The following ERC2 variants were observed in gnomAD, a reference collection of about 807,000 sequenced individuals.
The protein encoded by ERC2 is ERC protein 2.
In ERC2, 42 loss-of-function variants were observed where a neutral mutation model predicts 114.8. The ratio of observed to expected loss-of-function variants is 0.37; its 90% CI spans 0.29 to 0.47. The LOEUF is 0.47. Ranked by LOEUF, ERC2 falls within the 20% of genes least tolerant of loss-of-function variation. ERC2 has a pLI of 0.99. For synonymous variants in ERC2, 454 were observed against 425.5 expected (o/e 1.07, Z -0.82); for missense variants, 939 against 1,150.7 (o/e 0.82, Z 2.66).
At chr3:55,899,788 G>A (rs754796657) in intron 13 of ERC2, among the ~76,000 whole-genome samples, 9 of 152,056 alleles carry the variant, frequency 5.9e-5, no homozygotes, top group Non-Finnish European at 1.2e-4. Flanking sequence ...TTTGTTTCTA[G>A]GTTTAGGGAT....
At chr3:56,436,898 C>T (rs1481167158) in intron 1 of ERC2, among the ~76,000 whole-genome samples, 2 of 152,212 alleles carry the variant, frequency 1.3e-5, no homozygotes, top group Non-Finnish European at 2.9e-5. Flanking sequence ...AACCAGGTGA[C>T]ATCACTTCAT....
intron 2 of ERC2, among the ~76,000 whole-genome samples, chr3:56,390,554 C>T (rs1056893862): frequency 3.3e-5 from 5 of 152,068 alleles, no homozygotes; most frequent in South Asian, 2.1e-4. Flanking sequence ...GGAAGTCTCA[C>T]GATTAGTGAT....
At chr3:56,260,486 G>A (rs551395757) in intron 3 of ERC2, among the ~76,000 whole-genome samples, 3 of 152,158 alleles carry the variant, frequency 2.0e-5, no homozygotes, top group African/African-American at 7.2e-5. Context: ...GGCTCCCAGG[G>A]GCTTGGCTGC....
At chr3:55,561,819 C>T (rs2056043436) in intron 17 of ERC2, among the ~76,000 whole-genome samples, 1 of 152,132 alleles carries the variant, frequency 6.6e-6, no homozygotes, top group African/African-American at 2.4e-5. Context: ...ATGCAGCATC[C>T]CCTTGGCCAT....
intron 12 of ERC2, among the ~76,000 whole-genome samples, chr3:55,983,035 C>G (rs934553528): frequency 6.6e-6 from 1 of 152,234 alleles, no homozygotes; most frequent in Non-Finnish European, 1.5e-5. Context: ...CCATCACCAA[C>G]AGCCCCTTCA....
At chr3:55,592,684 G>A (rs1029313679) in intron 17 of ERC2, among the ~76,000 whole-genome samples, 5 of 152,058 alleles carry the variant, frequency 3.3e-5, no homozygotes, top group African/African-American at 1.2e-4. Flanking sequence ...TTGGATCCTT[G>A]GATCAGATTA....
At chr3:55,837,217 A>C (rs563986039) in intron 14 of ERC2, among the ~76,000 whole-genome samples, 23 of 152,212 alleles carry the variant, frequency 1.5e-4, no homozygotes, top group Admixed American at 9.2e-4. Context: ...GGATCTAGAA[A>C]TAGAAATACC....
In ERC2 at chr3:56,167,370, C is replaced by T. The variant is rs927139157; in HGVS notation, c.1149+6076G>A. On this transcript the variant is annotated intron_variant, in intron 4 of 17. Transcript: ENST00000288221. ...CAGGAGTTAGATTCACAAAAACTAACCTGGGTAATAGCAGGAATTATTGAC... is the reference window on the plus strand; with the variant it reads ...CAGGAGTTAGATTCACAAAAACTAATCTGGGTAATAGCAGGAATTATTGAC... 3.3e-5 allele frequency among the ~76,000 whole-genome samples: 5 copies of T among 152,094 alleles called. No individual in the cohort carries two copies. In the East Asian group the frequency reaches 9.7e-4, roughly 29 times the overall value.
At chr3:55,999,250 T>C (rs1471096311) in intron 10 of ERC2, among the ~76,000 whole-genome samples, 1 of 152,122 alleles carries the variant, frequency 6.6e-6, no homozygotes, top group African/African-American at 2.4e-5. Context: ...AGGAGTAGAA[T>C]GATAGTTAAG....
intron 2 of ERC2, among the ~76,000 whole-genome samples, chr3:56,388,789 T>G (rs558560690): frequency 6.6e-6 from 1 of 152,288 alleles, no homozygotes; most frequent in South Asian, 2.1e-4. Flanking sequence ...CCACAAAAAG[T>G]GTAGGCCCTC....
chr3:56,090,295 T>C (rs2077714839), intron 6 of ERC2, among the ~76,000 whole-genome samples: 1 of 152,226 alleles, frequency 6.6e-6, no homozygotes, highest in South Asian at 2.1e-4. Flanking sequence ...CTTCTGCAGC[T>C]ATTTTAATTT....
At chr3:56,159,396 C>T (rs749484644) in intron 4 of ERC2, among the ~76,000 whole-genome samples, 4 of 152,086 alleles carry the variant, frequency 2.6e-5, no homozygotes, top group Non-Finnish European at 2.9e-5. Flanking sequence ...ACATTTTCCC[C>T]GAAGTTGTTA....
intron 17 of ERC2, among the ~76,000 whole-genome samples, chr3:55,617,213 G>A (rs1334061220): frequency 6.6e-6 from 1 of 152,232 alleles, no homozygotes; most frequent in African/African-American, 2.4e-5. Flanking sequence ...GCTTGCCCTA[G>A]AGATTTGGGG....
At chr3:55,883,921 ACAACAACAC>A (rs1318706567) in intron 14 of ERC2, among the ~76,000 whole-genome samples, 10 of 129,036 alleles carry the variant, frequency 7.7e-5, no homozygotes, top group African/African-American at 2.7e-4. Flanking sequence ...AACAACAACA[ACAACAACAC>A]CACAAAACTG....
At chr3:55,953,754 G>A (rs1442249739) in intron 12 of ERC2, among the ~76,000 whole-genome samples, 1 of 152,064 alleles carries the variant, frequency 6.6e-6, no homozygotes, top group Non-Finnish European at 1.5e-5. Flanking sequence ...TCTTAGAGAA[G>A]AGAAAATGCC....
chr3:56,423,718 A>G (rs1206455581), intron 2 of ERC2, among the ~76,000 whole-genome samples: 1 of 152,034 alleles, frequency 6.6e-6, no homozygotes, highest in African/African-American at 2.4e-5. Context: ...ACGTGCCAGA[A>G]TTCGGTTGTT....
intron 17 of ERC2, among the ~76,000 whole-genome samples, chr3:55,530,005 C>T (rs547148111): frequency 5.9e-5 from 9 of 152,168 alleles, no homozygotes; most frequent in East Asian, 1.9e-4. Flanking sequence ...CCTCTTTATT[C>T]TCTTCCTAAA....
intron 3 of ERC2, among the ~76,000 whole-genome samples, chr3:56,227,508 C>T (rs1300174727): frequency 6.6e-6 from 1 of 151,842 alleles, no homozygotes; most frequent in Non-Finnish European, 1.5e-5. Context: ...TCACGTTGTA[C>T]CAAATTGTAC....
intron 7 of ERC2, among the ~76,000 whole-genome samples, chr3:56,035,179 T>C (rs2074711283): frequency 6.6e-6 from 1 of 152,054 alleles, no homozygotes; most frequent in Admixed American, 6.5e-5. Context: ...TTATAAAAGA[T>C]TATTACTATG....
Sources: allele counts gnomAD v4.1 joint callset (sites outside exome capture counted in the v4.1 genomes callset), GRCh38; gene constraint gnomAD v4.1.1; transcripts MANE v1.5; gene names NCBI Gene and HGNC (gene_info 2026-07-23, HGNC 2026-07-21).